YEATS2: variants seen among roughly 807,000 people sequenced by gnomAD.
YEATS2 encodes the protein YEATS domain-containing protein 2.
A neutral mutation model predicts 163.2 loss-of-function variants in YEATS2; 77 were observed. The ratio of observed to expected loss-of-function variants is 0.47; its 90% CI spans 0.39 to 0.57. The LOEUF is 0.57. Ranked by LOEUF, YEATS2 falls within the 20% of genes least tolerant of loss-of-function variation. The pLI, the probability that YEATS2 is intolerant of heterozygous loss-of-function variation, is 0.00. For missense variants in YEATS2, 1,549 were observed against 1,729.8 expected (o/e 0.90, Z 1.85); for synonymous variants, 631 against 645.1 (o/e 0.98, Z 0.33).
At chr3:183,807,825 TATC>T (rs1368058079) in intron 28 of YEATS2, 4 of 544,888 alleles carry the variant, frequency 7.3e-6, no homozygotes, top group African/African-American at 1.9e-5. Context: ...ATATTTTAAA[TATC>T]AGCCAGAAAT....
chr3:183,753,174 C>T (rs1175566497), intron 10 of YEATS2, among the ~76,000 whole-genome samples: 2 of 151,994 alleles, frequency 1.3e-5, no homozygotes, highest in Non-Finnish European at 2.9e-5. Context: ...TCTGATTGTG[C>T]GAGCAAGAAA....
chr3:183,809,268 G>C, intron 30 of YEATS2, 98 bp downstream of exon 30: 16 of 1,247,630 alleles, frequency 1.3e-5, no homozygotes, highest in Non-Finnish European at 1.9e-5. Context: ...CAATCCAGTA[G>C]GAGATGGAGT....
intron 1 of YEATS2, among the ~76,000 whole-genome samples, chr3:183,701,277 C>T (rs1275247477): frequency 5.3e-5 from 8 of 151,834 alleles, no homozygotes; most frequent in Non-Finnish European, 8.8e-5. Context: ...TTATTAGAGA[C>T]GGGGTTTCAC....
At chr3:183,791,237 G>A (rs988844726) in intron 21 of YEATS2, among the ~76,000 whole-genome samples, 2 of 152,092 alleles carry the variant, frequency 1.3e-5, no homozygotes, top group East Asian at 1.9e-4. Context: ...GTTTCACCAC[G>A]TTGCCCAGGC....
intron 15 of YEATS2, among the ~76,000 whole-genome samples, chr3:183,769,817 C>G (rs933538779): frequency 6.6e-6 from 1 of 151,954 alleles, no homozygotes; most frequent in African/African-American, 2.4e-5. Flanking sequence ...CTCAGCCTCC[C>G]GAGTAGCTGG....
intron 19 of YEATS2, among the ~76,000 whole-genome samples, chr3:183,780,000 CT>C (rs71298586): frequency 0.024 from 3,290 of 134,754 alleles, 80 homozygotes; most frequent in East Asian, 0.14. Flanking sequence ...CTGGCCTTTA[CT>C]TTTTTTTTTT....
At chr3:183,733,694 TTCTTACACACC>T in intron 7 of YEATS2, among the ~76,000 whole-genome samples, 1 of 152,338 alleles carries the variant, frequency 6.6e-6, no homozygotes, top group South Asian at 2.1e-4. Flanking sequence ...ACAAATGTTT[TTCTTACACACC>T]CTGAATCTCT....
intron 1 of YEATS2, among the ~76,000 whole-genome samples, chr3:183,706,865 T>C (rs1204625527): frequency 1.3e-5 from 2 of 151,986 alleles, no homozygotes; most frequent in Non-Finnish European, 2.9e-5. Context: ...AATCTGAATC[T>C]TAAATGCTCC....
intron 1 of YEATS2, among the ~76,000 whole-genome samples, chr3:183,701,326 A>G (rs1172766227): frequency 6.6e-6 from 1 of 151,868 alleles, no homozygotes; most frequent in Non-Finnish European, 1.5e-5. Context: ...TGACGTCGTG[A>G]TCTGCCTGCC....
At chr3:183,769,499 T>G (rs969081344) in intron 15 of YEATS2, among the ~76,000 whole-genome samples, 12 of 152,170 alleles carry the variant, frequency 7.9e-5, no homozygotes, top group South Asian at 6.2e-4. Context: ...GCTTCATGAT[T>G]CGGAGGGTAA....
intron 18 of YEATS2, among the ~76,000 whole-genome samples, chr3:183,776,559 ATG>A (rs1427541521): frequency 6.6e-6 from 1 of 152,018 alleles, no homozygotes; most frequent in Non-Finnish European, 1.5e-5. Context: ...AAAAAAAACT[ATG>A]TGTTTTTATC....
chr3:183,754,408 A>G, intron 11 of YEATS2, 43 bp downstream of exon 11: 2 of 1,548,458 alleles, frequency 1.3e-6, no homozygotes, highest in Non-Finnish European at 1.8e-6. Flanking sequence ...AGTTGACTGG[A>G]TGTTAAAATT....
intron 2 of YEATS2, among the ~76,000 whole-genome samples, chr3:183,716,213 C>T (rs947102981): frequency 9.9e-5 from 15 of 152,168 alleles, no homozygotes; most frequent in Non-Finnish European, 1.6e-4. Context: ...CCCGCCTCGG[C>T]GTCCCAAAGT....
At chr3:183,768,931 C>T (rs1048382474) in intron 15 of YEATS2, among the ~76,000 whole-genome samples, 1 of 152,162 alleles carries the variant, frequency 6.6e-6, no homozygotes, top group Admixed American at 6.5e-5. Context: ...GAGATCGTGC[C>T]ACCGCACTCC....
chr3:183,732,158 T>C (rs551025911), intron 7 of YEATS2, among the ~76,000 whole-genome samples: 208 of 152,198 alleles, frequency 1.4e-3, no homozygotes, highest in African/African-American at 4.9e-3. Flanking sequence ...TGTCTTAATA[T>C]CCCCAGGGTC....
chr3:183,762,522 A>G (rs761220896), intron 15 of YEATS2, among the ~76,000 whole-genome samples: 5 of 152,204 alleles, frequency 3.3e-5, no homozygotes, highest in Non-Finnish European at 7.3e-5. Context: ...GCAGGGGAAC[A>G]CTGCTGTCTC....
At chr3:183,791,758 G>A (rs949731478) in intron 21 of YEATS2, among the ~76,000 whole-genome samples, 38 of 152,180 alleles carry the variant, frequency 2.5e-4, no homozygotes, top group African/African-American at 8.9e-4. Context: ...ATCTTGGCTA[G>A]TGTTAGAGTG....
In YEATS2 at chr3:183,777,603, C is replaced by T; in HGVS notation, c.2639C>T (p.Ser880Leu). The T allele has an allele frequency of 2.5e-6, 4 of 1,614,174 alleles. No individual in the cohort carries two copies. In the South Asian group the frequency reaches 4.4e-5, roughly 18 times the overall value. ...QTSGKQLTTG[S>L]VVQGTLGVST... ...TCTGGAAAACAACTCACCACTGGGT[C>T]AGTGGTCCAAGGAACACTGGGAGTC... The change falls in exon 19 of 31, where the codon TCA (serine) becomes TTA (leucine). Residue 880 changes from serine (S) to leucine (L), a missense_variant. Physicochemically the swap from Ser to Leu is moderately radical, Grantham distance 145 (BLOSUM62 -2). Transcript: ENST00000305135.
chr3:183,801,557 G>T, intron 25 of YEATS2, 29 bp downstream of exon 25: 1 of 1,540,782 alleles, frequency 6.5e-7, no homozygotes, highest in South Asian at 1.2e-5. Flanking sequence ...ATATAGGGGT[G>T]CATTTTTGAA....
Sources: gnomAD v4.1 joint callset for allele counts (sites outside exome capture counted in the v4.1 genomes callset) on GRCh38, gnomAD v4.1.1 for gene constraint, MANE v1.5 for transcripts, NCBI Gene and HGNC (gene_info 2026-07-23, HGNC 2026-07-21) for gene names.